ASB5: variants seen among roughly 807,000 people sequenced by gnomAD.
ASB5 encodes ankyrin repeat and SOCS box protein 5.
Under a neutral mutation model 42.1 loss-of-function variants are expected in ASB5, and 45 were observed. The observed-to-expected ratio is 1.07, with a 90% CI of 0.84 to 1.37. The LOEUF is 1.37. ASB5 is among the 40% of genes most tolerant of loss of function. The probability of loss-of-function intolerance (pLI) is 0.00; values close to 1 mark genes in which losing one functional copy is unlikely to be tolerated. For missense variants in ASB5, 402 were observed against 399.8 expected, an observed-to-expected ratio of 1.01 and a Z score of -0.05; for synonymous variants, 147 against 150.6, an observed-to-expected ratio of 0.98 and a Z score of 0.18.
intron 1 of ASB5, among the ~76,000 whole-genome samples, chr4:176,256,298 T>C (rs1050770864): frequency 4.6e-5 from 7 of 152,218 alleles, no homozygotes; most frequent in Admixed American, 6.5e-5. Context: ...TTGTTCCCTA[T>C]TGTTAACATT....
chr4:176,220,286 T>C (rs1007377886), intron 5 of ASB5, among the ~76,000 whole-genome samples: 4 of 152,196 alleles, frequency 2.6e-5, no homozygotes, highest in African/African-American at 9.7e-5. Context: ...AAATAGTAGA[T>C]GTAGACCCTG....
chr4:176,229,844 C>A (rs1277213907), intron 1 of ASB5, among the ~76,000 whole-genome samples: 1 of 152,216 alleles, frequency 6.6e-6, no homozygotes, highest in Non-Finnish European at 1.5e-5. Flanking sequence ...AAGGCACATG[C>A]TATCATTTCA....
chr4:176,235,264 A>T (rs899988544), intron 1 of ASB5, among the ~76,000 whole-genome samples: 2 of 152,212 alleles, frequency 1.3e-5, no homozygotes, highest in Non-Finnish European at 2.9e-5. Context: ...TAACTATAAT[A>T]CCTTATTGAT....
chr4:176,231,287 G>A (rs1473170146), intron 1 of ASB5, among the ~76,000 whole-genome samples: 1 of 151,160 alleles, frequency 6.6e-6, no homozygotes, highest in African/African-American at 2.4e-5. Flanking sequence ...AGTTCTGTTC[G>A]GCCATTTTAA....
intron 1 of ASB5, among the ~76,000 whole-genome samples, chr4:176,242,734 G>A (rs558005050): frequency 3.9e-5 from 6 of 152,054 alleles, no homozygotes; most frequent in Non-Finnish European, 8.8e-5. Flanking sequence ...ATTTCTGCTT[G>A]CAGCTTTCTT....
At chr4:176,239,385 C>A (rs980061656) in intron 1 of ASB5, among the ~76,000 whole-genome samples, 1 of 152,116 alleles carries the variant, frequency 6.6e-6, no homozygotes, top group African/African-American at 2.4e-5. Flanking sequence ...CATATTCCTA[C>A]AGAATGCATA....
Position 176,221,451 on chromosome 4 carries a change from T to G in ASB5, c.534A>C (p.Lys178Asn). 6.2e-7 allele frequency: 1 copy of G among 1,612,900 alleles called. No homozygotes were observed. Among genetic ancestry groups the G allele is most frequent in the Non-Finnish European group, 8.5e-7 (1 of 1,179,640 alleles). Residue 178 changes from lysine (K) to asparagine (N), a missense_variant and splice_region_variant, in exon 4 of 7, where the codon AAA (lysine) becomes AAC (asparagine). Lys to Asn is a moderately conservative substitution (Grantham distance 94). Coordinates refer to ENST00000296525, the MANE Select transcript of ASB5 (RefSeq NM_080874.4). ...CACTTAATCCCAGAACTAAGTTACCTTTACTGGCGGCCTCATGCGTTGGGG... is the reference window on the plus strand; with the variant it reads ...CACTTAATCCCAGAACTAAGTTACCGTTACTGGCGGCCTCATGCGTTGGGG... ...LPSPTHEAAS[K>N]GHHECLDILI...
intron 1 of ASB5, among the ~76,000 whole-genome samples, chr4:176,263,668 A>G (rs1754305106): frequency 6.6e-6 from 1 of 152,178 alleles, no homozygotes; most frequent in African/African-American, 2.4e-5. Context: ...TAAAGATATT[A>G]TTAAGAAGTC....
rs568065852 is a variant in ASB5 at position 176,220,335 on chromosome 4, T to G, written c.670+820A>C. Among the ~76,000 whole-genome samples the G allele has an allele frequency of 2.6e-5, 4 of 152,246 alleles. No homozygotes were observed. The South Asian group carries it at 8.3e-4, about 32-fold the overall frequency. ...TCTCAGCTAGCTAAGATAATGTGAG[T>G]AGTGCATAAAAGGGCTACTAAAAAT... On this transcript the variant is annotated intron_variant, in intron 5 of 6. Transcript: ENST00000296525.
intron 1 of ASB5, among the ~76,000 whole-genome samples, chr4:176,248,107 C>A (rs1190405085): frequency 6.6e-6 from 1 of 152,082 alleles, no homozygotes; most frequent in Admixed American, 6.6e-5. Flanking sequence ...ACATGCCCAC[C>A]ATATTGGCAA....
At position 176,219,590 on chromosome 4, in the gene ASB5, A is replaced by ATTTG; in HGVS notation, c.670+1564_670+1565insCAAA. On this transcript the variant is annotated intron_variant, in intron 5 of 6. Transcript: ENST00000296525. ...ATATTTGTATGATATATATATATATATATATATATATATATATATATATAT... is the reference window on the plus strand; with the variant it reads ...ATATTTGTATGATATATATATATATATTTGTATATATATATATATATATATATAT... Among the ~76,000 whole-genome samples, 297 of 47,448 alleles carry ATTTG rather than the reference A, an allele frequency of 6.3e-3. 110 individuals carry two copies. The highest frequency in any genetic ancestry group is 0.014 in the Middle Eastern group (1 of 74). The allele number at this position is 47,448 out of a possible 152,430, so 31.1% of individuals were successfully genotyped here. A position where few individuals can be genotyped will look rare whatever the true frequency, so the allele number is the denominator to read the frequency against.
Position 176,221,541 on chromosome 4 carries a change from A to C in ASB5, c.444T>G (p.Ser148Arg). ...TPLFNACSQGSPSCAELLLEY... is the reference protein window; with the variant it reads ...TPLFNACSQGRPSCAELLLEY... ...CCAGAAGCAGCTCTGCACAGCTTGG[A>C]CTGCCTTGGGAGCATGCGTTGAATA... is the stretch of plus-strand genomic sequence containing the variant. The change falls in exon 4 of 7, where the codon AGT becomes AGG. Residue 148 changes from serine to arginine, a missense_variant. Coordinates refer to ENST00000296525, the MANE Select transcript of ASB5 (RefSeq NM_080874.4). The C allele has an allele frequency of 6.2e-7, 1 of 1,614,020 alleles. No individual in the cohort carries two copies. Among genetic ancestry groups the C allele is most frequent in the African/African-American group, 1.3e-5 (1 of 75,018 alleles).
At chr4:176,250,330 T>C (rs935104929) in intron 1 of ASB5, among the ~76,000 whole-genome samples, 2 of 152,172 alleles carry the variant, frequency 1.3e-5, no homozygotes, top group Non-Finnish European at 2.9e-5. Context: ...TCAAAATAAA[T>C]GTGCATAGCA....
At chr4:176,271,107 A>C (rs909654162), upstream of ASB5, among the ~76,000 whole-genome samples, 4 of 152,194 alleles carry the variant, frequency 2.6e-5, no homozygotes, top group African/African-American at 9.7e-5. Context: ...CTAATACAAA[A>C]AACTACAGTA....
chr4:176,254,399 C>T (rs1209914016), intron 1 of ASB5, among the ~76,000 whole-genome samples: 1 of 152,098 alleles, frequency 6.6e-6, no homozygotes, highest in Non-Finnish European at 1.5e-5. Flanking sequence ...ACACCACATA[C>T]AAAAATTAAT....
chr4:176,252,769 G>A (rs546031342), intron 1 of ASB5, among the ~76,000 whole-genome samples: 4 of 152,290 alleles, frequency 2.6e-5, no homozygotes, highest in South Asian at 2.1e-4. Context: ...CTCACAAATG[G>A]TAAGAATGCA....
intron 1 of ASB5, among the ~76,000 whole-genome samples, chr4:176,264,848 A>G (rs147573820): frequency 1.5e-3 from 231 of 152,230 alleles, no homozygotes; most frequent in Non-Finnish European, 2.8e-3. Flanking sequence ...GGCTATTTGA[A>G]TGCTATTTAC....
At chr4:176,226,609 G>C (rs1276480007) in intron 1 of ASB5, among the ~76,000 whole-genome samples, 2 of 152,000 alleles carry the variant, frequency 1.3e-5, no homozygotes, top group East Asian at 1.9e-4. Flanking sequence ...TGTCTCTCTG[G>C]AGAACCCTGA....
chr4:176,219,239 T>C (rs1468878787), intron 5 of ASB5, among the ~76,000 whole-genome samples: 1 of 115,550 alleles, frequency 8.7e-6, no homozygotes, highest in East Asian at 2.4e-4. Context: ...GTATGATATA[T>C]AAATATATAT....
Sources: gnomAD v4.1 joint callset for allele counts (sites outside exome capture counted in the v4.1 genomes callset) on GRCh38, gnomAD v4.1.1 for gene constraint, MANE v1.5 for transcripts, NCBI Gene and HGNC (gene_info 2026-07-23, HGNC 2026-07-21) for gene names.